CREB5: variants seen among roughly 807,000 people sequenced by gnomAD.
The protein encoded by CREB5 is cAMP responsive element binding protein 5.
Under a neutral mutation model 57.1 loss-of-function variants are expected in CREB5, and 19 were observed. The observed-to-expected ratio is 0.33, with a 90% CI of 0.23 to 0.49. CREB5 has a LOEUF of 0.49. CREB5 is among the 20% of genes least tolerant of loss of function. CREB5 has a pLI of 0.99. For synonymous variants in CREB5, 238 were observed against 238.3 expected, an observed-to-expected ratio of 1.00 and a Z score of 0.01; for missense variants, 579 against 671.6, an observed-to-expected ratio of 0.86 and a Z score of 1.52.
chr7:28,675,693 G>A (rs75718608), intron 5 of CREB5, among the ~76,000 whole-genome samples: 2,506 of 152,158 alleles, frequency 0.016, 80 homozygotes, highest in African/African-American at 0.057. Flanking sequence ...CTGAGTTATG[G>A]GGCCTTCTAG....
chr7:28,540,819 C>T (rs13222196), intron 4 of CREB5, among the ~76,000 whole-genome samples: 58,892 of 151,928 alleles, frequency 0.39, 12,691 homozygotes, highest in Non-Finnish European at 0.48. Context: ...ACACCTAGGG[C>T]GCTTTCATCC....
chr7:28,689,372 G>T (rs575350878), intron 5 of CREB5, among the ~76,000 whole-genome samples: 2 of 152,196 alleles, frequency 1.3e-5, no homozygotes, highest in African/African-American at 4.8e-5. Context: ...GGAGGCTGAG[G>T]CAGGAGAATG....
intron 5 of CREB5, among the ~76,000 whole-genome samples, chr7:28,690,674 G>A (rs902852777): frequency 2.0e-5 from 3 of 152,124 alleles, no homozygotes; most frequent in Admixed American, 6.5e-5. Flanking sequence ...AAGGCCCCTG[G>A]CACATAGTGG....
At chr7:28,614,258 C>A (rs539263336) in intron 5 of CREB5, among the ~76,000 whole-genome samples, 47 of 152,172 alleles carry the variant, frequency 3.1e-4, no homozygotes, top group Middle Eastern at 3.2e-3. Flanking sequence ...TGTACCCAGG[C>A]AGAATATTTT....
At chr7:28,629,169 C>G (rs1798111928) in intron 5 of CREB5, among the ~76,000 whole-genome samples, 1 of 152,158 alleles carries the variant, frequency 6.6e-6, no homozygotes, top group African/African-American at 2.4e-5. Flanking sequence ...GTGCGAAATC[C>G]TCAGAGATGA....
intron 5 of CREB5, among the ~76,000 whole-genome samples, chr7:28,685,696 T>A (rs1800850638): frequency 6.6e-6 from 1 of 151,746 alleles, no homozygotes; most frequent in South Asian, 2.1e-4. Flanking sequence ...CCAGTATTTT[T>A]TTTTTGTTTC....
chr7:28,724,570 GT>G (rs973889862), intron 7 of CREB5: 10 of 469,498 alleles, frequency 2.1e-5, no homozygotes, highest in Non-Finnish European at 3.5e-5. Context: ...ACATTTAGGA[GT>G]TTTGGTAGAT....
At chr7:28,510,701 G>T (rs1367706571) in intron 4 of CREB5, among the ~76,000 whole-genome samples, 1 of 152,268 alleles carries the variant, frequency 6.6e-6, no homozygotes, top group East Asian at 1.9e-4. Flanking sequence ...TAGAATCAGC[G>T]CAGGCTGTAA....
At chr7:28,599,608 G>T (rs1019023344) in intron 5 of CREB5, among the ~76,000 whole-genome samples, 1 of 152,172 alleles carries the variant, frequency 6.6e-6, no homozygotes, top group Non-Finnish European at 1.5e-5. Flanking sequence ...GCGCCCCTAT[G>T]TGTATAATAA....
chr7:28,565,791 C>T (rs1306083302), intron 4 of CREB5, among the ~76,000 whole-genome samples: 1 of 152,018 alleles, frequency 6.6e-6, no homozygotes, highest in Admixed American at 6.6e-5. Flanking sequence ...TGTGGTGGCA[C>T]GTGCCTGTAG....
intron 4 of CREB5, among the ~76,000 whole-genome samples, chr7:28,538,876 C>T (rs1488248236): frequency 6.6e-6 from 1 of 152,176 alleles, no homozygotes; most frequent in East Asian, 1.9e-4. Context: ...CATCTTGTTT[C>T]AAGTCCAAAC....
intron 4 of CREB5, among the ~76,000 whole-genome samples, chr7:28,513,125 G>T (rs928292057): frequency 9.9e-5 from 15 of 152,224 alleles, no homozygotes; most frequent in Non-Finnish European, 1.5e-4. Context: ...GGGCAAGAAG[G>T]TGCGGAAGGA....
At chr7:28,603,408 C>G (rs977181393) in intron 5 of CREB5, among the ~76,000 whole-genome samples, 1 of 152,156 alleles carries the variant, frequency 6.6e-6, no homozygotes, top group Non-Finnish European at 1.5e-5. Flanking sequence ...TTTGTTGAGG[C>G]CTTTTGATCA....
At chr7:28,733,201 T>C (rs1228239254) in intron 7 of CREB5, among the ~76,000 whole-genome samples, 1 of 152,188 alleles carries the variant, frequency 6.6e-6, no homozygotes, top group African/African-American at 2.4e-5. Context: ...GATTTCAAAA[T>C]AGAGCCAGGA....
At chr7:28,533,727 G>A (rs933052114) in intron 4 of CREB5, among the ~76,000 whole-genome samples, 1 of 152,154 alleles carries the variant, frequency 6.6e-6, no homozygotes, top group African/African-American at 2.4e-5. Context: ...CTGTTTTAAA[G>A]GAGCTTGAAA....
chr7:28,440,260 C>A (rs1186401644), intron 1 of CREB5, among the ~76,000 whole-genome samples: 1 of 152,164 alleles, frequency 6.6e-6, no homozygotes, highest in African/African-American at 2.4e-5. Context: ...TGTGAGGACT[C>A]ACCATCTGCT....
chr7:28,733,785 T>C (rs948373260), intron 7 of CREB5, among the ~76,000 whole-genome samples: 2 of 152,186 alleles, frequency 1.3e-5, no homozygotes, highest in African/African-American at 4.8e-5. Context: ...AGGTGCCCAG[T>C]AAACATTTGC....
At chr7:28,781,937 T>G (rs56151733) in intron 7 of CREB5, among the ~76,000 whole-genome samples, 501 of 81,824 alleles carry the variant, frequency 6.1e-3, no homozygotes, top group Non-Finnish European at 0.011. Flanking sequence ...CAATGTGTGT[T>G]TTTTTTTTTT....
Position 28,354,127 on chromosome 7 carries a change from T to A in CREB5, c.-25+54686T>A, listed in dbSNP as rs550339915. 5.7e-3 allele frequency among the ~76,000 whole-genome samples: 870 copies of A among 152,088 alleles called. 8 individuals are homozygous for A. The highest frequency in any genetic ancestry group is 9.7e-3 in the Non-Finnish European group (661 of 67,980). On this transcript the variant is annotated intron_variant, in intron 1 of 9. Transcript: ENST00000396299. ...AATAAATTTGTGTACTACTAAGGAG[T>A]GCTTGCATGTCTAAATTAAGTATGG... is the stretch of plus-strand genomic sequence containing the variant.
Sources: allele counts gnomAD v4.1 joint callset (sites outside exome capture counted in the v4.1 genomes callset), GRCh38; gene constraint gnomAD v4.1.1; transcripts MANE v1.5; gene names NCBI Gene and HGNC (gene_info 2026-07-23, HGNC 2026-07-21).